The following TACR3 variants were observed in gnomAD, a reference collection of about 807,000 sequenced individuals.
TACR3 encodes the protein neuromedin-K receptor.
In TACR3, 34 loss-of-function variants were observed where a neutral mutation model predicts 35.0. That is an observed-to-expected ratio of 0.97 (90% CI 0.74 to 1.30). The LOEUF is 1.30. Ranked by LOEUF, TACR3 falls within the 50% of genes most tolerant of loss-of-function variation. The pLI is 0.00. For missense variants in TACR3, 558 were observed against 591.7 expected, an observed-to-expected ratio of 0.94 and a Z score of 0.59; for synonymous variants, 233 against 221.1, an observed-to-expected ratio of 1.05 and a Z score of -0.48.
At chr4:103,681,087 A>C (rs1302346753) in intron 1 of TACR3, among the ~76,000 whole-genome samples, 1 of 151,938 alleles carries the variant, frequency 6.6e-6, no homozygotes, top group Non-Finnish European at 1.5e-5. Flanking sequence ...AAAATATTAC[A>C]CTCAACAGAT....
At chr4:103,627,525 A>AAAAT (rs542240626) in intron 3 of TACR3, among the ~76,000 whole-genome samples, 10 of 151,910 alleles carry the variant, frequency 6.6e-5, no homozygotes, top group East Asian at 1.9e-4. Context: ...CTCGGTCAAA[A>AAAAT]AAATAAATAA....
intron 3 of TACR3, among the ~76,000 whole-genome samples, chr4:103,600,803 G>C (rs569075889): frequency 6.6e-6 from 1 of 152,288 alleles, no homozygotes; most frequent in East Asian, 1.9e-4. Context: ...GTTCTAGTTT[G>C]ATTGCACTGT....
At chr4:103,629,845 C>CAAAAAAAAAAAAAAAAAAAAAAAAAAAA (rs1487546451) in intron 3 of TACR3, among the ~76,000 whole-genome samples, 1 of 59,554 alleles carries the variant, frequency 1.7e-5, no homozygotes. Context: ...CAATCCTAAG[C>CAAAAAAAAAAAAAAAAAAAAAAAAAAAA]AAAACAAAAA....
chr4:103,710,156 C>G (rs965714398), intron 1 of TACR3, among the ~76,000 whole-genome samples: 3 of 152,164 alleles, frequency 2.0e-5, no homozygotes, highest in Non-Finnish European at 4.4e-5. Flanking sequence ...ACCAAGTGGA[C>G]CTAATAGACA....
chr4:103,647,099 A>G (rs11721991), intron 3 of TACR3, among the ~76,000 whole-genome samples: 62,253 of 151,644 alleles, frequency 0.41, 14,783 homozygotes, highest in African/African-American at 0.66. Context: ...TCATTCTAGA[A>G]TAGTTTTTTA....
At chr4:103,635,527 G>T (rs1725167930) in intron 3 of TACR3, among the ~76,000 whole-genome samples, 1 of 151,982 alleles carries the variant, frequency 6.6e-6, no homozygotes, top group Non-Finnish European at 1.5e-5. Flanking sequence ...TATAAAGTGG[G>T]TTGCTTTGGT....
intron 3 of TACR3, among the ~76,000 whole-genome samples, chr4:103,629,844 GCAAAACAA>G (rs1382823648): frequency 1.8e-5 from 1 of 55,382 alleles, no homozygotes; most frequent in East Asian, 3.6e-4. Context: ...ACAATCCTAA[GCAAAACAA>G]AAAAAAAACA....
chr4:103,709,996 C>T (rs1235787050), intron 1 of TACR3, among the ~76,000 whole-genome samples: 5 of 152,120 alleles, frequency 3.3e-5, no homozygotes, highest in Non-Finnish European at 7.4e-5. Flanking sequence ...CAGGAGCACC[C>T]AGATTCATAA....
chr4:103,704,301 T>C (rs964575202), intron 1 of TACR3, among the ~76,000 whole-genome samples: 7 of 152,074 alleles, frequency 4.6e-5, no homozygotes, highest in African/African-American at 1.7e-4. Flanking sequence ...AAAATAGCAA[T>C]ATGGAAAAGG....
chr4:103,595,995 G>T (rs547203940), intron 3 of TACR3, among the ~76,000 whole-genome samples: 1 of 149,430 alleles, frequency 6.7e-6, no homozygotes, highest in Non-Finnish European at 1.5e-5. Flanking sequence ...GTGAGAATAT[G>T]TGGTGTTTGG....
At chr4:103,657,712 C>G (rs1413664533) in intron 2 of TACR3, among the ~76,000 whole-genome samples, 1 of 151,992 alleles carries the variant, frequency 6.6e-6, no homozygotes, top group Non-Finnish European at 1.5e-5. Flanking sequence ...TATATTATAG[C>G]ATTTGTATTT....
chr4:103,617,145 T>G (rs1724677664), intron 3 of TACR3, among the ~76,000 whole-genome samples: 1 of 152,018 alleles, frequency 6.6e-6, no homozygotes, highest in Non-Finnish European at 1.5e-5. Context: ...AATAGAAAAA[T>G]GTAATCCATA....
In TACR3 at chr4:103,719,163, G is replaced by A; in HGVS notation, c.513C>T (p.Ala171=). The change falls in exon 1 of 5, where the codon GCC becomes GCT. Residue 171 remains alanine, a synonymous_variant. Transcript: ENST00000304883. ...CAATGGCCGTCATGGAGTAGATGCT[G>A]GCGAACACAGCTGTGATAGGAAAGA... is the stretch of plus-strand genomic sequence containing the variant. ...QNFFPITAVF[A]SIYSMTAIAV... is the part of the protein sequence containing the mutation. The A allele has an allele frequency of 1.2e-6, 2 of 1,614,160 alleles. No individual in the cohort carries two copies. The highest frequency in any genetic ancestry group is 1.3e-5 in the African/African-American group (1 of 75,044).
intron 1 of TACR3, among the ~76,000 whole-genome samples, chr4:103,666,494 A>C (rs1004930872): frequency 2.0e-5 from 3 of 152,174 alleles, no homozygotes; most frequent in Non-Finnish European, 4.4e-5. Flanking sequence ...TATAAATATA[A>C]ATTTTCTATT....
intron 3 of TACR3, among the ~76,000 whole-genome samples, chr4:103,618,564 CTTTTTTTT>C (rs57837921): frequency 2.0e-4 from 12 of 61,452 alleles, no homozygotes; most frequent in Admixed American, 8.1e-4. Flanking sequence ...GTGACTTGGG[CTTTTTTTT>C]TTTTTTTTTT....
intron 1 of TACR3, among the ~76,000 whole-genome samples, chr4:103,667,770 AAAC>A (rs1304489836): frequency 2.0e-4 from 31 of 152,326 alleles, no homozygotes; most frequent in African/African-American, 7.5e-4. Context: ...AATTTTATTA[AAAC>A]AACTTTATTG....
intron 1 of TACR3, among the ~76,000 whole-genome samples, chr4:103,715,724 AG>A (rs1723075606): frequency 6.6e-6 from 1 of 152,184 alleles, no homozygotes; most frequent in Non-Finnish European, 1.5e-5. Flanking sequence ...CTAATCTCAA[AG>A]CATGTGCTTA....
intron 1 of TACR3, among the ~76,000 whole-genome samples, chr4:103,709,038 C>T (rs568235160): frequency 2.0e-4 from 31 of 152,246 alleles, no homozygotes; most frequent in African/African-American, 7.2e-4. Flanking sequence ...GATTGGTGTA[C>T]CTGCAAGTGA....
intron 1 of TACR3, among the ~76,000 whole-genome samples, chr4:103,670,908 G>C (rs1316011933): frequency 6.6e-6 from 1 of 152,012 alleles, no homozygotes; most frequent in African/African-American, 2.4e-5. Context: ...TACAGAAAAG[G>C]CTGTCAGTTT....
Sources: gnomAD v4.1 joint callset for allele counts (sites outside exome capture counted in the v4.1 genomes callset) on GRCh38, gnomAD v4.1.1 for gene constraint, MANE v1.5 for transcripts, NCBI Gene and HGNC (gene_info 2026-07-23, HGNC 2026-07-21) for gene names.